Variants in CFLAR observed in about 807,000 individuals in gnomAD.
The protein encoded by CFLAR is CASP8 and FADD-like apoptosis regulator.
In CFLAR, 14 loss-of-function variants were observed where a neutral mutation model predicts 51.1. That is an observed-to-expected ratio of 0.27 (90% confidence interval 0.18 to 0.43). The LOEUF is 0.43. Among genes scored for constraint, CFLAR ranks in the 20% least tolerant of loss-of-function variants. The pLI, the probability that CFLAR is intolerant of heterozygous loss-of-function variation, is 1.00. For synonymous variants in CFLAR, 210 were observed against 211.6 expected, an observed-to-expected ratio of 0.99 and a Z score of 0.06; for missense variants, 390 against 566.5, an observed-to-expected ratio of 0.69 and a Z score of 3.16.
intron 5 of CFLAR, chr2:201,144,321 G>A (rs1050938127): frequency 3.9e-5 from 6 of 152,130 alleles, no homozygotes; most frequent in Non-Finnish European, 1.5e-5. Flanking sequence ...AGAAAGGGTC[G>A]GTTTAATCTT....
In CFLAR at chr2:201,136,088, C is replaced by A. The variant is rs1185486812; in HGVS notation, c.504C>A (p.Ile168=). The A allele has an allele frequency of 6.2e-7, 1 of 1,613,560 alleles. No individual in the cohort carries two copies. The highest frequency in any genetic ancestry group is 1.3e-5 in the African/African-American group (1 of 74,792). Residue 168 remains isoleucine, a synonymous_variant, in exon 4 of 10, where the codon ATC becomes ATA. Coordinates refer to ENST00000309955, the MANE Select transcript of CFLAR (RefSeq NM_003879.7). ...ACAGAATAGACCTGAAGACAAAAAT[C>A]CAGAAGTACAAGCAGTCTGGTAAGA... ...NIHRIDLKTK[I]QKYKQSVQGA...
intron 8 of CFLAR, among the ~76,000 whole-genome samples, chr2:201,151,854 A>T (rs1575844935): frequency 1.3e-5 from 2 of 151,984 alleles, no homozygotes; most frequent in Non-Finnish European, 2.9e-5. Context: ...GTATATTTGA[A>T]TTTTTCTGCA....
Position 201,138,995 on chromosome 2 carries a change from T to G in CFLAR, c.524-1362T>G, listed in dbSNP as rs1426622729. On this transcript the variant is annotated intron_variant, in intron 4 of 9. Transcript: ENST00000309955. This position sits in a 1 kb window ranked among gnomAD's most constrained non-coding sequence, Gnocchi z 4.0. ...TCCCTGGTCACTGGCGAAGAGCTGC[T>G]GCACGGTGTGGGGAAAAGAAAGAGA... 1 of 527,734 alleles carries G rather than the reference T, an allele frequency of 1.9e-6. No individual in the cohort carries two copies. Among genetic ancestry groups the G allele is most frequent in the African/African-American group, 1.9e-5 (1 of 52,726 alleles). 32.7% of individuals were successfully genotyped at this position (527,734 alleles called of 1,614,324 possible).
intron 4 of CFLAR, chr2:201,136,557 T>G: frequency 6.8e-7 from 1 of 1,469,530 alleles, no homozygotes; most frequent in South Asian, 1.4e-5. Flanking sequence ...AAGAGCACAT[T>G]CGATTTCTTC....
At position 201,149,056 on chromosome 2, in the gene CFLAR, C is replaced by T. The variant is rs774738774; in HGVS notation, c.711+4C>T. The T allele has an allele frequency of 3.8e-6, 6 of 1,593,000 alleles. No homozygotes were observed. Among genetic ancestry groups the T allele is most frequent in the Admixed American group, 3.3e-5 (2 of 59,978 alleles). ...ATCAGAAGCTTTTTTGCCTCAGGTA[C>T]AGAATAAATGATCTGATTTGGTATT... On this transcript the variant is annotated splice_donor_region_variant and intron_variant, in intron 7 of 9. Transcript: ENST00000309955.
In CFLAR at chr2:201,172,364, T is replaced by C. The variant is rs1021837964; in HGVS notation, c.*8391T>C. On this transcript the variant is annotated 3_prime_UTR_variant, in exon 10 of 10. Coordinates refer to ENST00000309955, the MANE Select transcript of CFLAR (RefSeq NM_003879.7). ...TTTTTATATTGGAAGTGTAAGTAGTTTGTGGCATGGGATTGTGACATATCC... is the reference window on the plus strand; with the variant it reads ...TTTTTATATTGGAAGTGTAAGTAGTCTGTGGCATGGGATTGTGACATATCC... 19 of 152,222 alleles carry C rather than the reference T, an allele frequency of 1.2e-4. 1 individual carries two copies. The highest frequency in any genetic ancestry group is 9.2e-4 in the Admixed American group (14 of 15,268). The allele number at this position is 152,222 out of a possible 1,614,324, so 9.4% of individuals were successfully genotyped here.
rs7592405 is a variant in CFLAR, at chr2:201,166,633, C to T, written c.*2660C>T. On this transcript the variant is annotated 3_prime_UTR_variant, in exon 10 of 10. Coordinates refer to ENST00000309955, the MANE Select transcript of CFLAR (RefSeq NM_003879.7). ...AGGCAGGCGGCTGGGAGGCGGAGGC[C>T]GTAGCCAGCTGAGATCACACCACTG... 1,245 of 179,888 alleles carry T rather than the reference C, an allele frequency of 6.9e-3. 21 individuals carry two copies. The highest frequency in any genetic ancestry group is 0.028 in the African/African-American group (1,167 of 41,820). The allele number at this position is 179,888 out of a possible 1,614,324, so 11.1% of individuals were successfully genotyped here.
chr2:201,159,757 A>G (rs1425177240), intron 8 of CFLAR, among the ~76,000 whole-genome samples: 2 of 152,242 alleles, frequency 1.3e-5, no homozygotes, highest in Non-Finnish European at 2.9e-5. Flanking sequence ...TTTAGTGGCT[A>G]AAAACAACAG....
chr2:201,156,889 T>G (rs1490885115), intron 8 of CFLAR, among the ~76,000 whole-genome samples: 1 of 152,184 alleles, frequency 6.6e-6, no homozygotes, highest in Non-Finnish European at 1.5e-5. Flanking sequence ...TTTTTCTTCC[T>G]CTATTTATGT....
chr2:201,154,506 T>G (rs1318583061), intron 8 of CFLAR: 1 of 152,254 alleles, frequency 6.6e-6, no homozygotes, highest in Non-Finnish European at 1.5e-5. Context: ...TTTAACTACT[T>G]TGCCTCAATA....
At chr2:201,148,319 CTTTTTTTTTG>C in intron 6 of CFLAR, 1 of 149,792 alleles carries the variant, frequency 6.7e-6, no homozygotes, top group South Asian at 2.1e-4. Flanking sequence ...TAATTTTTTT[CTTTTTTTTTG>C]GAGACAGAGT....
intron 8 of CFLAR, 25 bp from the exon 9 acceptor site, chr2:201,160,407 C>CAT: frequency 6.2e-7 from 1 of 1,602,528 alleles, no homozygotes; most frequent in South Asian, 1.1e-5. Context: ...TGTTGTTTTC[C>CAT]GTGTTTGTTT....
At chr2:201,135,857 G>A (rs1163561103) in intron 3 of CFLAR, 115 bp from the exon 4 acceptor site, 18 of 1,422,516 alleles carry the variant, frequency 1.3e-5, no homozygotes, top group Non-Finnish European at 1.6e-5. Flanking sequence ...AAACTCTTGG[G>A]CTCAAGCAGT....
At position 201,168,669 on chromosome 2, in the gene CFLAR, G is replaced by A. The variant is rs1047276214; in HGVS notation, c.*4696G>A. ...TAAGGGGTATTCAAATAGGAAAAGA[G>A]GAAGTAAAACTGTGTTTGCAGATGA... On this transcript the variant is annotated 3_prime_UTR_variant, in exon 10 of 10. Coordinates refer to ENST00000309955, the MANE Select transcript of CFLAR (RefSeq NM_003879.7). The A allele has an allele frequency of 1.7e-5, 2 of 120,930 alleles. No homozygotes were observed. The highest frequency in any genetic ancestry group is 3.8e-5 in the Non-Finnish European group (2 of 52,770). 7.5% of individuals were successfully genotyped at this position (120,930 alleles called of 1,614,324 possible). A position where few individuals can be genotyped will look rare whatever the true frequency, so the allele number is the denominator to read the frequency against.
chr2:201,137,287 T>C, intron 4 of CFLAR: 1 of 256,792 alleles, frequency 3.9e-6, no homozygotes, highest in South Asian at 4.4e-5. Flanking sequence ...CTGCCTGGGT[T>C]CAGGGGGGCT....
chr2:201,157,448 T>C (rs72931060), intron 8 of CFLAR, among the ~76,000 whole-genome samples: 4,114 of 151,508 alleles, frequency 0.027, 94 homozygotes, highest in Middle Eastern at 0.083. Flanking sequence ...GCCCTCACAG[T>C]CACCTTTTGA....
In CFLAR at chr2:201,138,596, C is replaced by A; in HGVS notation, c.524-1761C>A. 1 of 1,591,604 alleles carries A rather than the reference C, an allele frequency of 6.3e-7. No individual in the cohort carries two copies. The highest frequency in any genetic ancestry group is 8.5e-7 in the Non-Finnish European group (1 of 1,174,048). On this transcript the variant is annotated intron_variant, in intron 4 of 9. Coordinates refer to ENST00000309955, the MANE Select transcript of CFLAR (RefSeq NM_003879.7). This position sits in a 1 kb window ranked among gnomAD's most constrained non-coding sequence, Gnocchi z 4.0. ...TGTCTCGGGAGGTGACGATGCCCAC[C>A]AGCTTGCTGCCCATGGTACCCGTCT...
In CFLAR at chr2:201,141,465, T is replaced by C. The variant is rs972383917; in HGVS notation, c.606+1026T>C. The C allele has an allele frequency of 3.9e-6, 6 of 1,543,090 alleles. No homozygotes were observed. The African/African-American group carries it at 6.9e-5, about 18-fold the overall frequency. On this transcript the variant is annotated intron_variant, in intron 5 of 9. Coordinates refer to ENST00000309955, the MANE Select transcript of CFLAR (RefSeq NM_003879.7). Reference sequence around the variant, plus strand: ...TGGAACTGCCTCTACTTAATCATTCTGAATGATTAAATCGTTTCATTTTCT... The same window carrying C: ...TGGAACTGCCTCTACTTAATCATTCCGAATGATTAAATCGTTTCATTTTCT...
chr2:201,150,884 ACAAAG>A (rs1471538845), intron 8 of CFLAR, among the ~76,000 whole-genome samples: 1 of 152,196 alleles, frequency 6.6e-6, no homozygotes, highest in East Asian at 1.9e-4. Flanking sequence ...TGTCTCTGGC[ACAAAG>A]ACATCATTTA....
Sources: allele counts gnomAD v4.1 joint callset (sites outside exome capture counted in the v4.1 genomes callset), GRCh38; gene constraint gnomAD v4.1.1; non-coding constraint Gnocchi (gnomAD v3.1); transcripts MANE v1.5; gene names NCBI Gene and HGNC (gene_info 2026-07-23, HGNC 2026-07-21).